PHLPP1: variants seen among roughly 807,000 people sequenced by gnomAD.
PHLPP1 encodes PH domain leucine-rich repeat-containing protein phosphatase 1.
In PHLPP1, 42 loss-of-function variants were observed where a neutral mutation model predicts 117.2. The observed-to-expected ratio is 0.36, with a 90% CI of 0.28 to 0.46. The LOEUF (loss-of-function observed/expected upper bound fraction) is 0.46. Ranked by LOEUF, PHLPP1 falls within the 20% of genes least tolerant of loss-of-function variation. The probability of loss-of-function intolerance (pLI) is 1.00; values close to 1 mark genes in which losing one functional copy is unlikely to be tolerated. For missense variants in PHLPP1, 2,084 were observed against 2,241.9 expected (o/e 0.93, Z 1.42); for synonymous variants, 1,042 against 970.7 (o/e 1.07, Z -1.37).
At chr18:62,785,827 AG>A (rs1913267101) in intron 1 of PHLPP1, among the ~76,000 whole-genome samples, 1 of 152,296 alleles carries the variant, frequency 6.6e-6, no homozygotes, top group East Asian at 1.9e-4. Context: ...TGGGCCATGC[AG>A]GGGGAAGAGT....
rs988985502 is a variant in PHLPP1, at chr18:62,716,488, C to T, written c.805C>T (p.Pro269Ser). Residue 269 changes from proline (P) to serine (S), a missense_variant, in exon 1 of 17, where the codon CCC becomes TCC. By Grantham distance (74) the Pro-to-Ser change is moderately conservative. Transcript: ENST00000262719. This position sits in a 1 kb window ranked among gnomAD's most constrained non-coding sequence, Gnocchi z 5.7. ...CGCTGAACCGCCCCCCGAGGCCGGC[C>T]CCCGGCTGGCGCCCCCGGAGCCGCG... ...EPAEPPPEAG[P>S]RLAPPEPRDS... The T allele has an allele frequency of 3.5e-5, 42 of 1,213,972 alleles. No homozygotes were observed. The highest frequency in any genetic ancestry group is 4.2e-5 in the Non-Finnish European group (41 of 978,408). The allele number at this position is 1,213,972 out of a possible 1,614,324, so 75.2% of individuals were successfully genotyped here.
Position 62,821,351 on chromosome 18 carries a change from T to G in PHLPP1, c.1577-8684T>G, listed in dbSNP as rs1481427951. Among the ~76,000 whole-genome samples the G allele has an allele frequency of 2.0e-5, 3 of 151,196 alleles. No homozygotes were observed. The South Asian group carries it at 6.3e-4, about 32-fold the overall frequency. On this transcript the variant is annotated intron_variant, in intron 1 of 16. Coordinates refer to ENST00000262719, the MANE Select transcript of PHLPP1 (RefSeq NM_194449.4). ...TGAAACAAAAATAACAGAAAATCAGTGAGCCTGAGGAACATGGCGAAACCC... is the reference window on the plus strand; with the variant it reads ...TGAAACAAAAATAACAGAAAATCAGGGAGCCTGAGGAACATGGCGAAACCC...
At position 62,928,036 on chromosome 18, in the gene PHLPP1, A is replaced by T. The variant is rs2144435457; in HGVS notation, c.2960+7922A>T. On this transcript the variant is annotated intron_variant, in intron 10 of 16. Coordinates refer to ENST00000262719, the MANE Select transcript of PHLPP1 (RefSeq NM_194449.4). ...TGTCATTAGACTTCTCAAAAACATT[A>T]TACAATGCAAGGTAATAACGGAGTA... Among the ~76,000 whole-genome samples the T allele has an allele frequency of 1.3e-5, 2 of 152,336 alleles. 1 individual carries two copies. The highest frequency in any genetic ancestry group is 4.1e-4 in the South Asian group (2 of 4,832).
chr18:62,730,385 C>T (rs1381810351), intron 1 of PHLPP1, among the ~76,000 whole-genome samples: 1 of 152,150 alleles, frequency 6.6e-6, no homozygotes, highest in Non-Finnish European at 1.5e-5. Context: ...TCTGTTGCTG[C>T]TCTTCCTTGG....
intron 7 of PHLPP1, 23 bp downstream of exon 7, chr18:62,903,189 A>G: frequency 2.6e-6 from 4 of 1,522,866 alleles, no homozygotes; most frequent in Middle Eastern, 1.7e-4. Context: ...GGCTACATCA[A>G]AGTTGCTCTT....
At chr18:62,835,924 G>A (rs1914882289) in intron 2 of PHLPP1, among the ~76,000 whole-genome samples, 2 of 151,166 alleles carry the variant, frequency 1.3e-5, no homozygotes, top group South Asian at 4.2e-4. Context: ...GGGATTACAG[G>A]CATGCACCAC....
At chr18:62,858,468 G>A (rs1568140457) in intron 3 of PHLPP1, among the ~76,000 whole-genome samples, 2 of 152,008 alleles carry the variant, frequency 1.3e-5, no homozygotes, top group African/African-American at 4.8e-5. Flanking sequence ...TCACCATATT[G>A]GCCAGGCTGG....
chr18:62,957,004 T>A (rs1250189403), intron 12 of PHLPP1, among the ~76,000 whole-genome samples: 1 of 152,144 alleles, frequency 6.6e-6, no homozygotes, highest in Non-Finnish European at 1.5e-5. Flanking sequence ...GAGTATAATC[T>A]CCCTCCTCCC....
chr18:62,979,627 G>A lies in PHLPP1; in HGVS notation c.*196G>A, dbSNP rs1911318462. The A allele has an allele frequency of 3.3e-6, 2 of 603,062 alleles. No homozygotes were observed. Among genetic ancestry groups the A allele is most frequent in the African/African-American group, 3.7e-5 (2 of 53,872 alleles). The allele number at this position is 603,062 out of a possible 1,614,324, so 37.4% of individuals were successfully genotyped here. A position where few individuals can be genotyped will look rare whatever the true frequency, so the allele number is the denominator to read the frequency against. On this transcript the variant is annotated 3_prime_UTR_variant, in exon 17 of 17. Transcript: ENST00000262719. ...GTAATCACCACTTTCTTCTAGTGAT[G>A]CTTTACCAATATGATTTACATTTGT...
intron 1 of PHLPP1, among the ~76,000 whole-genome samples, chr18:62,795,242 C>T (rs1913591819): frequency 6.6e-6 from 1 of 152,050 alleles, no homozygotes; most frequent in Admixed American, 6.6e-5. Flanking sequence ...CTTTGGGAGG[C>T]TGAGGTGGGC....
In PHLPP1 at chr18:62,774,075, G is replaced by T. The variant is rs568498109; in HGVS notation, c.1577-55960G>T. Among the ~76,000 whole-genome samples, 3 of 152,210 alleles carry T rather than the reference G, an allele frequency of 2.0e-5. No individual in the cohort carries two copies. The East Asian group carries it at 5.8e-4, about 29-fold the overall frequency. On this transcript the variant is annotated intron_variant, in intron 1 of 16. Coordinates refer to ENST00000262719, the MANE Select transcript of PHLPP1 (RefSeq NM_194449.4). ...TTAGTATTTTAATACATGTTTTTTT[G>T]TGGGTGGGGGCACAAACATTCAGTC...
In PHLPP1 at chr18:62,821,286, A is replaced by G. The variant is rs531429305; in HGVS notation, c.1577-8749A>G. ...CTTTAAAAAAGAAAAAATATATGTT[A>G]GTAAAAGAAGCAATAAGCAATAACA... On this transcript the variant is annotated intron_variant, in intron 1 of 16. Transcript: ENST00000262719. Among the ~76,000 whole-genome samples the G allele has an allele frequency of 2.0e-5, 3 of 152,266 alleles. No individual in the cohort carries two copies. In the East Asian group the frequency reaches 5.8e-4, roughly 29 times the overall value.
At chr18:62,902,500 C>T (rs564342519) in intron 6 of PHLPP1, among the ~76,000 whole-genome samples, 1 of 152,272 alleles carries the variant, frequency 6.6e-6, no homozygotes, top group East Asian at 1.9e-4. Flanking sequence ...GCTACTCATC[C>T]GCCTGTTCAT....
At chr18:62,948,185 T>G (rs965570714) in intron 12 of PHLPP1, among the ~76,000 whole-genome samples, 5 of 151,138 alleles carry the variant, frequency 3.3e-5, no homozygotes, top group African/African-American at 1.2e-4. Context: ...ATTAGCCAGG[T>G]GTGGTGGCAC....
intron 5 of PHLPP1, among the ~76,000 whole-genome samples, chr18:62,895,524 T>C (rs1393301517): frequency 6.6e-6 from 1 of 152,236 alleles, no homozygotes; most frequent in Non-Finnish European, 1.5e-5. Flanking sequence ...ATATCACAGT[T>C]AGCTCACATT....
intron 1 of PHLPP1, among the ~76,000 whole-genome samples, chr18:62,812,246 G>A (rs1914146027): frequency 6.6e-6 from 1 of 150,542 alleles, no homozygotes; most frequent in Admixed American, 6.6e-5. Context: ...AATCATTCAT[G>A]CTTGGCTTTC....
intron 4 of PHLPP1, among the ~76,000 whole-genome samples, chr18:62,882,239 G>A (rs1701035359): frequency 6.6e-6 from 1 of 151,940 alleles, no homozygotes; most frequent in Admixed American, 6.6e-5. Context: ...TGCTTACTGG[G>A]GGTCTGTGTC....
At chr18:62,855,354 A>G (rs1915466841) in intron 3 of PHLPP1, among the ~76,000 whole-genome samples, 1 of 152,266 alleles carries the variant, frequency 6.6e-6, no homozygotes, top group South Asian at 2.1e-4. Flanking sequence ...TTCTTTGGAT[A>G]GCCCAGCTGG....
intron 1 of PHLPP1, among the ~76,000 whole-genome samples, chr18:62,758,548 T>A (rs998587991): frequency 5.3e-5 from 8 of 152,174 alleles, no homozygotes; most frequent in South Asian, 2.1e-4. Context: ...ATAAAAAAAA[T>A]TTAGCTTCTT....
Sources: allele counts gnomAD v4.1 joint callset (sites outside exome capture counted in the v4.1 genomes callset), GRCh38; gene constraint gnomAD v4.1.1; non-coding constraint Gnocchi (gnomAD v3.1); transcripts MANE v1.5; gene names NCBI Gene and HGNC (gene_info 2026-07-23, HGNC 2026-07-21).